Variants in ADGRG5 observed in about 807,000 individuals in gnomAD.
ADGRG5 encodes the protein G protein-coupled receptor 114.
In ADGRG5, 37 loss-of-function variants were observed where a neutral mutation model predicts 53.2. That is an observed-to-expected ratio of 0.70 (90% CI 0.53 to 0.91). The LOEUF (loss-of-function observed/expected upper bound fraction) is 0.91. Among genes scored for constraint, ADGRG5 ranks in the 40% least tolerant of loss-of-function variants. The probability of loss-of-function intolerance (pLI) is 0.00; values close to 1 mark genes in which losing one functional copy is unlikely to be tolerated. For synonymous variants in ADGRG5, 277 were observed against 290.4 expected, an observed-to-expected ratio of 0.95 and a Z score of 0.47; for missense variants, 614 against 675.8, an observed-to-expected ratio of 0.91 and a Z score of 1.01.
rs746812048 is a variant in ADGRG5 at position 57,575,473 on chromosome 16, T to C, written c.1522T>C (p.Cys508Arg). ...TTTCCTGTGGTTCTGCTCCCAGCGGTGCCGCTCAGAAGCAGAGGCCAAGGC... is the reference window on the plus strand; with the variant it reads ...TTTCCTGTGGTTCTGCTCCCAGCGGCGCCGCTCAGAAGCAGAGGCCAAGGC... ...FLFLWFCSQR[C>R]RSEAEAKAQI... The change falls in exon 12 of 12, where the codon TGC becomes CGC. Residue 508 changes from cysteine to arginine, a missense_variant. Physicochemically the swap from Cys to Arg is radical, Grantham distance 180 (BLOSUM62 -3). Coordinates refer to ENST00000349457, the MANE Select transcript of ADGRG5 (RefSeq NM_001304376.3). 6.2e-7 allele frequency: 1 copy of C among 1,614,174 alleles called. No individual in the cohort carries two copies. The highest frequency in any genetic ancestry group is 8.5e-7 in the Non-Finnish European group (1 of 1,180,004).
chr16:57,562,021 T>G, intron 1 of ADGRG5, 35 bp from the exon 2 acceptor site: 1 of 1,311,424 alleles, frequency 7.6e-7, no homozygotes, highest in South Asian at 1.5e-5. Context: ...AGGTTGCTCT[T>G]TTATCATCAT....
At chr16:57,531,304 C>T in the ADGRG5 span, among the ~76,000 whole-genome samples, 1 of 152,132 alleles carries the variant, frequency 6.6e-6, no homozygotes, top group South Asian at 2.1e-4. Flanking sequence ...GAAGGCACTT[C>T]CTCACTCCTT....
At chr16:57,541,779 C>A (rs138107993), upstream of ADGRG5, among the ~76,000 whole-genome samples, 2 of 152,240 alleles carry the variant, frequency 1.3e-5, no homozygotes, top group Non-Finnish European at 2.9e-5. Flanking sequence ...AACACTCTCT[C>A]TCTATCCCCC....
At chr16:57,535,757 C>T in the ADGRG5 span, among the ~76,000 whole-genome samples, 2 of 152,180 alleles carry the variant, frequency 1.3e-5, no homozygotes, top group Admixed American at 6.5e-5. Context: ...CCTCTCTGGG[C>T]CTCAGTTTCC....
the ADGRG5 span, chr16:57,536,440 C>T: frequency 1.3e-5 from 2 of 152,522 alleles, no homozygotes; most frequent in East Asian, 1.9e-4. Flanking sequence ...GGCGCGCGGC[C>T]TGGAGCAAGT....
chr16:57,547,042 G>T (rs2032635515), intron 1 of ADGRG5, among the ~76,000 whole-genome samples: 1 of 152,100 alleles, frequency 6.6e-6, no homozygotes, highest in Admixed American at 6.5e-5. Flanking sequence ...TAAAATATAT[G>T]GATTTTTTTT....
intron 1 of ADGRG5, among the ~76,000 whole-genome samples, chr16:57,545,919 G>A (rs183433106): frequency 6.9e-4 from 105 of 152,168 alleles, no homozygotes; most frequent in Non-Finnish European, 4.4e-4. Context: ...TCTGCCTCCC[G>A]GGTTCAAACG....
At chr16:57,565,807 G>A (rs1351295917) in intron 6 of ADGRG5, 1 of 152,438 alleles carries the variant, frequency 6.6e-6, no homozygotes, top group African/African-American at 2.4e-5. Flanking sequence ...AGGGCTGCTT[G>A]TTGGGGGTGG....
At chr16:57,538,715 A>G (rs968495717), upstream of ADGRG5, among the ~76,000 whole-genome samples, 3 of 152,200 alleles carry the variant, frequency 2.0e-5, no homozygotes, top group East Asian at 5.8e-4. Flanking sequence ...AGTTCAGGAC[A>G]GTCAGGTTTT....
chr16:57,550,101 T>C (rs1169768151), intron 1 of ADGRG5, among the ~76,000 whole-genome samples: 1 of 152,148 alleles, frequency 6.6e-6, no homozygotes, highest in Non-Finnish European at 1.5e-5. Flanking sequence ...CTTAGACTCT[T>C]GAGCAGCTAG....
chr16:57,532,925 G>A, the ADGRG5 span, among the ~76,000 whole-genome samples: 793 of 152,306 alleles, frequency 5.2e-3, 27 homozygotes, highest in East Asian at 0.1. Context: ...TCTTGCAGCC[G>A]CTGAACTAGG....
chr16:57,538,304 T>C (rs1477272016), upstream of ADGRG5, among the ~76,000 whole-genome samples: 1 of 152,018 alleles, frequency 6.6e-6, no homozygotes, highest in Non-Finnish European at 1.5e-5. Context: ...ATGAGAAAAG[T>C]GAAGATCAGA....
chr16:57,570,820 C>T (rs1209952119), intron 10 of ADGRG5, among the ~76,000 whole-genome samples: 1 of 152,196 alleles, frequency 6.6e-6, no homozygotes, highest in Non-Finnish European at 1.5e-5. Context: ...CTGTCCTGCC[C>T]TGCCCTCCAG....
upstream of ADGRG5, among the ~76,000 whole-genome samples, chr16:57,540,766 A>G (rs1178888655): frequency 2.0e-5 from 3 of 152,098 alleles, no homozygotes; most frequent in South Asian, 2.1e-4. Context: ...TGTGAAGGCA[A>G]TAGGGAGCCA....
intron 1 of ADGRG5, among the ~76,000 whole-genome samples, chr16:57,556,148 T>A (rs1037349150): frequency 1.3e-5 from 2 of 152,230 alleles, no homozygotes; most frequent in African/African-American, 2.4e-5. Flanking sequence ...AATACACTTA[T>A]GATTGGTATA....
chr16:57,573,472 C>T (rs1445869408), intron 10 of ADGRG5, among the ~76,000 whole-genome samples: 2 of 146,690 alleles, frequency 1.4e-5, no homozygotes, highest in African/African-American at 5.0e-5. Flanking sequence ...ATGAATTAAG[C>T]AAGAAAAGCA....
Position 57,566,646 on chromosome 16 carries a change from A to T in ADGRG5, c.594A>T (p.Lys198Asn). 3.8e-6 allele frequency: 6 copies of T among 1,584,878 alleles called. No individual in the cohort carries two copies. The highest frequency in any genetic ancestry group is 5.1e-6 in the Non-Finnish European group (6 of 1,166,810). ...TCVFWKEGAR[K>N]QPWGGWSPEG... ...TCTTCTGGAAGGAGGGAGCCAGGAA[A>T]CAGCCCTGGGGGGGCTGGAGCCCTG... Residue 198 changes from lysine (K) to asparagine (N), a missense_variant, in exon 7 of 12, where the codon AAA (lysine) becomes AAT (asparagine). Lys to Asn is a moderately conservative substitution (Grantham distance 94, BLOSUM62 0). Transcript: ENST00000349457.
chr16:57,568,598 C>T (rs971838657), intron 9 of ADGRG5, among the ~76,000 whole-genome samples: 20 of 150,444 alleles, frequency 1.3e-4, no homozygotes, highest in African/African-American at 4.7e-4. Context: ...ACCATCATCA[C>T]CATCATCATC....
At position 57,570,489 on chromosome 16, in the gene ADGRG5, G is replaced by A. The variant is rs200866735; in HGVS notation, c.1162G>A (p.Val388Ile). Residue 388 changes from valine (V) to isoleucine (I), a missense_variant, in exon 10 of 12, where the codon GTC (valine) becomes ATC (isoleucine). By Grantham distance (29) the Val-to-Ile change is conservative. Coordinates refer to ENST00000349457, the MANE Select transcript of ADGRG5 (RefSeq NM_001304376.3). ...GGTATACGGACCCTGCACAATCCCCGTCTTCGACAGCTGGGAGAATGGCAC... is the reference window on the plus strand; with the variant it reads ...GGTATACGGACCCTGCACAATCCCCATCTTCGACAGCTGGGAGAATGGCAC... ...SSVYGPCTIPVFDSWENGTGF... is the reference protein window; with the variant it reads ...SSVYGPCTIPIFDSWENGTGF... The A allele has an allele frequency of 6.1e-5, 98 of 1,613,406 alleles. No homozygotes were observed. The highest frequency in any genetic ancestry group is 4.9e-4 in the Middle Eastern group (3 of 6,074).
Sources: allele counts gnomAD v4.1 joint callset (sites outside exome capture counted in the v4.1 genomes callset), GRCh38; gene constraint gnomAD v4.1.1; transcripts MANE v1.5; gene names NCBI Gene and HGNC (gene_info 2026-07-23, HGNC 2026-07-21).